ST6GALNAC1: variants seen among roughly 807,000 people sequenced by gnomAD.
The protein encoded by ST6GALNAC1 is ST6 N-acetylgalactosaminide alpha-2,6-sialyltransferase 1.
ST6GALNAC1 carries 45 observed loss-of-function variants against 56.8 expected under a neutral mutation model. The ratio of observed to expected loss-of-function variants is 0.79; its 90% CI spans 0.62 to 1.02. The LOEUF is 1.02. Ranked by LOEUF, ST6GALNAC1 falls within the 50% of genes least tolerant of loss-of-function variation. The pLI is 0.00. For synonymous variants in ST6GALNAC1, 295 were observed against 297.8 expected, an observed-to-expected ratio of 0.99 and a Z score of 0.10; for missense variants, 743 against 754.8, an observed-to-expected ratio of 0.98 and a Z score of 0.18.
At chr17:76,626,520 T>A (rs2075800780) in intron 5 of ST6GALNAC1, 128 bp from the exon 6 acceptor site, 50 of 1,512,038 alleles carry the variant, frequency 3.3e-5, no homozygotes, top group Non-Finnish European at 4.5e-5. Flanking sequence ...TCCCCACTCC[T>A]GCCCTTATAG....
chr17:76,620,505 C>G (rs1309913141), downstream of ST6GALNAC1, among the ~76,000 whole-genome samples: 1 of 152,068 alleles, frequency 6.6e-6, no homozygotes, highest in Non-Finnish European at 1.5e-5. Context: ...ATCTCTTATC[C>G]CTTCCGCCCT....
At chr17:76,631,961 A>G (rs2075908442) in intron 1 of ST6GALNAC1, among the ~76,000 whole-genome samples, 1 of 152,124 alleles carries the variant, frequency 6.6e-6, no homozygotes, top group Non-Finnish European at 1.5e-5. Flanking sequence ...ATTCTTGATC[A>G]ATTCATTCCA....
chr17:76,627,432 A>G lies in ST6GALNAC1; in HGVS notation c.983T>C (p.Met328Thr). 1.9e-6 allele frequency: 3 copies of G among 1,614,196 alleles called. No homozygotes were observed. The highest frequency in any genetic ancestry group is 2.5e-6 in the Non-Finnish European group (3 of 1,180,022). Residue 328 changes from methionine (M) to threonine (T), a missense_variant, in exon 3 of 9, where the codon ATG becomes ACG. Physicochemically the swap from Met to Thr is moderately conservative, Grantham distance 81. Coordinates refer to ENST00000156626, the MANE Select transcript of ST6GALNAC1 (RefSeq NM_018414.5). The surrounding 1 kb of genome is among the most constrained non-coding windows in gnomAD (Gnocchi z 4.4). ...GGACTCACAGGAGTAGTTGAGCTCC[A>G]TGAAGCCAAAGGGTGGTGCAAAGTG... ...LEHFAPPFGFMELNYSLVQKV... is the reference protein window; with the variant it reads ...LEHFAPPFGFTELNYSLVQKV...
intron 2 of ST6GALNAC1, among the ~76,000 whole-genome samples, chr17:76,628,509 T>G (rs9910810): frequency 0.85 from 129,120 of 152,086 alleles, 55,363 homozygotes; most frequent in Non-Finnish European, 0.9. Context: ...GTGGGTGTGG[T>G]TCAGTCAGAC....
intron 4 of ST6GALNAC1, 62 bp downstream of exon 4, chr17:76,626,996 AGAGGGGCTG>A: frequency 7.6e-7 from 1 of 1,308,768 alleles, no homozygotes; most frequent in Non-Finnish European, 9.9e-7. Flanking sequence ...GAGGGGCAAG[AGAGGGGCTG>A]GAGGGGGGCT....
At position 76,626,660 on chromosome 17, in the gene ST6GALNAC1, A is replaced by G; in HGVS notation, c.1302T>C (p.Pro434=). ...CTTCCTCTTTGCTCACCTTCCCAAG[A>G]GGCACGTTCTTGAAACCCCGATTGC... ...ILGNRGFKNV[P]LGKDVRYLHF... The change falls in exon 5 of 9, where the codon CCT becomes CCC. Residue 434 remains proline, a synonymous_variant. Transcript: ENST00000156626. 6.2e-7 allele frequency: 1 copy of G among 1,614,162 alleles called. No individual in the cohort carries two copies. The highest frequency in any genetic ancestry group is 8.5e-7 in the Non-Finnish European group (1 of 1,180,024).
rs746381272 is a variant in ST6GALNAC1, at chr17:76,627,275, G to A, written c.1001-37C>T. The stretch of plus-strand genomic sequence containing the variant: ...GTGGGGGTGCTCCATTCAGAGCCCT[G>A]GGAGGGACAGGAGTCCGACCCATCA... On this transcript the variant is annotated intron_variant, in intron 3 of 8. Coordinates refer to ENST00000156626, the MANE Select transcript of ST6GALNAC1 (RefSeq NM_018414.5). The surrounding 1 kb of genome is among the most constrained non-coding windows in gnomAD (Gnocchi z 4.4). The A allele has an allele frequency of 6.4e-7, 1 of 1,551,766 alleles. No homozygotes were observed. The highest frequency in any genetic ancestry group is 8.7e-7 in the Non-Finnish European group (1 of 1,147,824).
In ST6GALNAC1 at chr17:76,625,572, C is replaced by A. The variant is rs754075514; in HGVS notation, c.1606-45G>T. 39 of 1,598,612 alleles carry A rather than the reference C, an allele frequency of 2.4e-5. No homozygotes were observed. In the Admixed American group the frequency reaches 6.6e-4, roughly 27 times the overall value. ...GAAACACGGCCTGTAGTTGCTGTTG[C>A]CCAGGCTTCTTCTCATGGCTAATTC... On this transcript the variant is annotated intron_variant, in intron 8 of 8. Coordinates refer to ENST00000156626, the MANE Select transcript of ST6GALNAC1 (RefSeq NM_018414.5).
intron 1 of ST6GALNAC1, among the ~76,000 whole-genome samples, chr17:76,642,412 G>A (rs939353905): frequency 2.6e-5 from 4 of 152,102 alleles, no homozygotes; most frequent in South Asian, 2.1e-4. Context: ...GTGAGTTAAC[G>A]TATATCAAGC....
intron 1 of ST6GALNAC1, among the ~76,000 whole-genome samples, chr17:76,640,281 C>T (rs2076032966): frequency 6.6e-6 from 1 of 152,136 alleles, no homozygotes; most frequent in African/African-American, 2.4e-5. Flanking sequence ...GAGGGAGGGG[C>T]AGGGTGGTTC....
rs140210886 is a variant in ST6GALNAC1 at position 76,629,048 on chromosome 17, C to T, written c.795G>A (p.Glu265=). ...CTCCTATTTCGAAGCTGTATTTTTC[C>T]TCAAAATCCCACCGAGGCTCAGATT... ...NFKSEPRWDF[E]EKYSFEIGGL... is the part of the protein sequence containing the mutation. Residue 265 remains glutamate, a synonymous_variant, in exon 2 of 9, where the codon GAG becomes GAA. Coordinates refer to ENST00000156626, the MANE Select transcript of ST6GALNAC1 (RefSeq NM_018414.5). 310 of 1,545,370 alleles carry T rather than the reference C, an allele frequency of 2.0e-4. 1 individual carries two copies. The highest frequency in any genetic ancestry group is 2.6e-4 in the Non-Finnish European group (298 of 1,147,674).
chr17:76,625,776 A>G (rs990522047), intron 8 of ST6GALNAC1, 43 bp downstream of exon 8: 12 of 1,442,740 alleles, frequency 8.3e-6, no homozygotes, highest in Non-Finnish European at 1.1e-5. Context: ...ATAGCCCAGG[A>G]GCTGTTTCTC....
chr17:76,630,284 C>G (rs918804411), intron 1 of ST6GALNAC1, among the ~76,000 whole-genome samples: 2 of 152,138 alleles, frequency 1.3e-5, no homozygotes, highest in Non-Finnish European at 2.9e-5. Flanking sequence ...AGGCAGGAAA[C>G]AAAGGTCTTT....
chr17:76,643,469 T>C, intron 1 of ST6GALNAC1, 39 bp downstream of exon 1: 1 of 1,608,170 alleles, frequency 6.2e-7, no homozygotes, highest in Admixed American at 1.7e-5. Flanking sequence ...TTTCCTCAAA[T>C]GAATGAAATA....
Position 76,626,401 on chromosome 17 carries a change from C to T in ST6GALNAC1, c.1312-9G>A. On this transcript the variant is annotated splice_polypyrimidine_tract_variant and intron_variant, in intron 5 of 8. Transcript: ENST00000156626. The stretch of plus-strand genomic sequence containing the variant: ...TGCAAGTAGCGGACGTCCTGAGGAC[C>T]AAGGACAGGGAGTGGTCCAAAAGTA... The T allele has an allele frequency of 6.2e-7, 1 of 1,613,572 alleles. No homozygotes were observed.
intron 5 of ST6GALNAC1, 74 bp from the exon 6 acceptor site, chr17:76,626,466 C>T: frequency 6.5e-7 from 1 of 1,532,236 alleles, no homozygotes. Context: ...CCAGCTCTGA[C>T]TCCGACTGCC....
rs767128837 is a variant in ST6GALNAC1 at position 76,625,928 on chromosome 17, G to A, written c.1506-10C>T. On this transcript the variant is annotated splice_polypyrimidine_tract_variant and intron_variant, in intron 7 of 8. Transcript: ENST00000156626. ...CTTAGACCTCAGAAACCTGTGAAAT[G>A]CCCCAAACCCCCAACTGTCAGGAGG... 6.3e-7 allele frequency: 1 copy of A among 1,591,614 alleles called. No homozygotes were observed. Among genetic ancestry groups the A allele is most frequent in the Admixed American group, 1.7e-5 (1 of 57,532 alleles).
Position 76,627,819 on chromosome 17 carries a change from C to T in ST6GALNAC1, c.832-236G>A, listed in dbSNP as rs1441608225. On this transcript the variant is annotated intron_variant, in intron 2 of 8. Coordinates refer to ENST00000156626, the MANE Select transcript of ST6GALNAC1 (RefSeq NM_018414.5). This position sits in a 1 kb window ranked among gnomAD's most constrained non-coding sequence, Gnocchi z 4.4. The stretch of plus-strand genomic sequence containing the variant: ...GCCATCGAGGCAAATGCACCTAGGC[C>T]GGGTGTGGTGGCTCACGCCTGTAAT... Among the ~76,000 whole-genome samples, 1 of 152,106 alleles carries T rather than the reference C, an allele frequency of 6.6e-6. No individual in the cohort carries two copies. Among genetic ancestry groups the T allele is most frequent in the Non-Finnish European group, 1.5e-5 (1 of 68,018 alleles).
rs769051485 is a variant in ST6GALNAC1, at chr17:76,629,233, G to T, written c.610C>A (p.Leu204Met). Residue 204 changes from leucine (L) to methionine (M), a missense_variant, in exon 2 of 9, where the codon CTG (leucine) becomes ATG (methionine). Transcript: ENST00000156626. ...TLIPKSQHRMLAPTGAVSTRT... is the reference protein window; with the variant it reads ...TLIPKSQHRMMAPTGAVSTRT... Reference sequence around the variant, plus strand: ...GTTGACACTGCTCCTGTGGGAGCCAGCATTCTGTGCTGACTTTTGGGAATG... The same window carrying T: ...GTTGACACTGCTCCTGTGGGAGCCATCATTCTGTGCTGACTTTTGGGAATG... 1.2e-6 allele frequency: 2 copies of T among 1,614,010 alleles called. No individual in the cohort carries two copies. The highest frequency in any genetic ancestry group is 1.7e-6 in the Non-Finnish European group (2 of 1,180,032).
Sources: allele counts gnomAD v4.1 joint callset (sites outside exome capture counted in the v4.1 genomes callset), GRCh38; gene constraint gnomAD v4.1.1; non-coding constraint Gnocchi (gnomAD v3.1); transcripts MANE v1.5; gene names NCBI Gene and HGNC (gene_info 2026-07-23, HGNC 2026-07-21).